ASH1L: variants seen among roughly 807,000 people sequenced by gnomAD.
The protein encoded by ASH1L is histone-lysine N-methyltransferase ASH1L.
A neutral mutation model predicts 269.0 loss-of-function variants in ASH1L; 23 were observed. The observed-to-expected ratio is 0.09, with a 90% CI of 0.06 to 0.12. The LOEUF (loss-of-function observed/expected upper bound fraction) is 0.12, where lower values mean the gene tolerates loss of function less well. ASH1L is among the 10% of genes least tolerant of loss of function. The pLI is 1.00. For missense variants in ASH1L, 2,912 were observed against 3,567.8 expected, an observed-to-expected ratio of 0.82 and a Z score of 4.68; for synonymous variants, 1,187 against 1,253.5, an observed-to-expected ratio of 0.95 and a Z score of 1.12.
chr1:155,367,511 T>C (rs1655541216), intron 12 of ASH1L, among the ~76,000 whole-genome samples: 1 of 152,204 alleles, frequency 6.6e-6, no homozygotes, highest in Admixed American at 6.6e-5. Flanking sequence ...CTTTTCTTAT[T>C]GTATTGGTTA....
chr1:155,341,179 A>AT lies in ASH1L; in HGVS notation c.8460+756dup, dbSNP rs1031244574. Among the ~76,000 whole-genome samples the AT allele has an allele frequency of 5.3e-3, 485 of 92,194 alleles. 2 individuals carry two copies. Among genetic ancestry groups the AT allele is most frequent in the African/African-American group, 0.011 (268 of 23,918 alleles). 60.5% of individuals were successfully genotyped at this position (92,194 alleles called of 152,430 possible). ...TAGAGACGGGGTTTCAATGTTCACA[A>AT]TTTTTTTTTTTTTTTGAGACGGAGT... is the stretch of plus-strand genomic sequence containing the variant. On this transcript the variant is annotated intron_variant, in intron 25 of 27. Coordinates refer to ENST00000392403, the MANE Select transcript of ASH1L (RefSeq NM_018489.3).
intron 5 of ASH1L, among the ~76,000 whole-genome samples, chr1:155,418,501 T>C (rs1660394745): frequency 6.6e-6 from 1 of 151,864 alleles, no homozygotes; most frequent in Non-Finnish European, 1.5e-5. Context: ...ACTAACAGAA[T>C]CTTAGAATCC....
chr1:155,401,021 C>T lies in ASH1L; in HGVS notation c.6009-5468G>A, dbSNP rs574293479. Among the ~76,000 whole-genome samples the T allele has an allele frequency of 2.6e-5, 4 of 151,976 alleles. No homozygotes were observed. In the South Asian group the frequency reaches 6.2e-4, roughly 24 times the overall value. ...ACTAAAAATACAAAAATTAGTAGGG[C>T]GTAGTGGTGTACGCCTCTAATCCTA... On this transcript the variant is annotated intron_variant, in intron 6 of 27. Coordinates refer to ENST00000392403, the MANE Select transcript of ASH1L (RefSeq NM_018489.3).
intron 3 of ASH1L, among the ~76,000 whole-genome samples, chr1:155,470,149 G>T (rs188931520): frequency 9.7e-4 from 148 of 152,166 alleles, no homozygotes; most frequent in African/African-American, 3.3e-3. Context: ...AAAATGCCTT[G>T]TAAGTATCTC....
chr1:155,540,732 G>T (rs1038281598), intron 1 of ASH1L, among the ~76,000 whole-genome samples: 1 of 151,632 alleles, frequency 6.6e-6, no homozygotes, highest in East Asian at 1.9e-4. Context: ...TCACACCACT[G>T]CACTCCAGCC....
At chr1:155,455,250 A>G (rs568981383) in intron 4 of ASH1L, among the ~76,000 whole-genome samples, 1 of 152,304 alleles carries the variant, frequency 6.6e-6, no homozygotes, top group Admixed American at 6.5e-5. Flanking sequence ...TTATCCTCAT[A>G]TTACATCCTA....
chr1:155,468,828 T>C (rs1664882717), intron 3 of ASH1L, among the ~76,000 whole-genome samples: 1 of 152,174 alleles, frequency 6.6e-6, no homozygotes, highest in South Asian at 2.1e-4. Flanking sequence ...AATTATGTAT[T>C]TCTTAAACCT....
intron 1 of ASH1L, among the ~76,000 whole-genome samples, chr1:155,527,265 TTC>T (rs1255826050): frequency 1.3e-5 from 2 of 152,236 alleles, no homozygotes; most frequent in African/African-American, 2.4e-5. Flanking sequence ...ATCTTCCCAT[TTC>T]TCTGTTCCTC....
Position 155,479,085 on chromosome 1 carries a change from T to C in ASH1L, c.3785A>G (p.Tyr1262Cys), listed in dbSNP as rs1665772165. 1.2e-6 allele frequency: 2 copies of C among 1,614,082 alleles called. No individual in the cohort carries two copies. The highest frequency in any genetic ancestry group is 3.3e-5 in the Admixed American group (2 of 60,010). Residue 1262 changes from tyrosine to cysteine, a missense_variant, in exon 3 of 28, where the codon TAT becomes TGT. Tyr to Cys is a radical substitution (Grantham distance 194, BLOSUM62 -2). This residue lies in a region of ASH1L where 789 missense variants were observed against 897.6 expected (regional missense o/e 0.88). Coordinates refer to ENST00000392403, the MANE Select transcript of ASH1L (RefSeq NM_018489.3). ...TCGTTTCTGCCTTTTCATCTTGTCA[T>C]AGCTGAGGTAATCATGATTCCTGCG... is the stretch of plus-strand genomic sequence containing the variant. Reference protein sequence around the residue: ...CKRRNHDYLSYDKMKRQKRKR... With the variant: ...CKRRNHDYLSCDKMKRQKRKR...
intron 5 of ASH1L, chr1:155,434,056 T>G: frequency 6.3e-7 from 1 of 1,592,444 alleles, no homozygotes; most frequent in Non-Finnish European, 8.5e-7. Flanking sequence ...GCAGCGACTA[T>G]GCATAACGAG....
chr1:155,554,582 A>AT (rs1464586800), intron 1 of ASH1L, among the ~76,000 whole-genome samples: 1 of 151,672 alleles, frequency 6.6e-6, no homozygotes, highest in East Asian at 1.9e-4. Flanking sequence ...TGAATTTTTT[A>AT]TTTTTTTAGT....
chr1:155,496,369 G>A (rs1667156192), intron 2 of ASH1L, among the ~76,000 whole-genome samples: 1 of 152,130 alleles, frequency 6.6e-6, no homozygotes, highest in African/African-American at 2.4e-5. Flanking sequence ...CGCAGCACGC[G>A]ACTGTAGTTT....
At chr1:155,445,870 GTGTGTT>G (rs1662975924) in intron 4 of ASH1L, among the ~76,000 whole-genome samples, 1 of 151,956 alleles carries the variant, frequency 6.6e-6, no homozygotes, top group Admixed American at 6.6e-5. Context: ...TTGTGTGTGT[GTGTGTT>G]TGTGTGTGTG....
At chr1:155,491,664 G>T (rs1227295098) in intron 2 of ASH1L, among the ~76,000 whole-genome samples, 1 of 151,882 alleles carries the variant, frequency 6.6e-6, no homozygotes, top group Non-Finnish European at 1.5e-5. Context: ...TTGTTTTGGG[G>T]TTTTTTCTCT....
chr1:155,349,498 G>A (rs780569453), intron 18 of ASH1L, 39 bp from the exon 19 acceptor site: 44 of 1,613,922 alleles, frequency 2.7e-5, no homozygotes, highest in African/African-American at 4.0e-5. Flanking sequence ...GGCACACTTA[G>A]CACTTTTTAA....
At chr1:155,423,801 C>A (rs182078256) in intron 5 of ASH1L, among the ~76,000 whole-genome samples, 2 of 152,294 alleles carry the variant, frequency 1.3e-5, no homozygotes, top group African/African-American at 4.8e-5. Context: ...CGTGATTCGG[C>A]GCACTGCAAC....
At chr1:155,390,231 G>A (rs924238062) in intron 7 of ASH1L, among the ~76,000 whole-genome samples, 1 of 152,146 alleles carries the variant, frequency 6.6e-6, no homozygotes, top group African/African-American at 2.4e-5. Context: ...TGTTATGCCA[G>A]TATCTTTAAT....
chr1:155,414,488 T>A (rs2148537205), intron 6 of ASH1L, among the ~76,000 whole-genome samples: 1 of 152,252 alleles, frequency 6.6e-6, no homozygotes, highest in East Asian at 1.9e-4. Context: ...TTTGTATTTT[T>A]AGTAGAAACG....
chr1:155,448,567 C>A (rs1663208634), intron 4 of ASH1L, among the ~76,000 whole-genome samples: 1 of 152,186 alleles, frequency 6.6e-6, no homozygotes, highest in South Asian at 2.1e-4. Context: ...GCGATCTCAG[C>A]TCACTGCAAC....
Sources: allele counts gnomAD v4.1 joint callset (sites outside exome capture counted in the v4.1 genomes callset), GRCh38; gene constraint gnomAD v4.1.1; regional missense constraint gnomAD v4.1.1; transcripts MANE v1.5; gene names NCBI Gene and HGNC (gene_info 2026-07-23, HGNC 2026-07-21).